The following SHQ1 variants were observed in gnomAD, a reference collection of about 807,000 sequenced individuals.
SHQ1 encodes protein SHQ1 homolog.
Under a neutral mutation model 53.8 loss-of-function variants are expected in SHQ1, and 49 were observed. The ratio of observed to expected loss-of-function variants is 0.91; its 90% CI spans 0.72 to 1.16. The LOEUF (loss-of-function observed/expected upper bound fraction) is 1.16, where lower values mean the gene tolerates loss of function less well. Among genes scored for constraint, SHQ1 ranks in the 50% most tolerant of loss-of-function variants. The probability of loss-of-function intolerance (pLI) is 0.00; values close to 1 mark genes in which losing one functional copy is unlikely to be tolerated. For missense variants in SHQ1, 738 were observed against 683.1 expected (o/e 1.08, Z -0.90); for synonymous variants, 243 against 251.0 (o/e 0.97, Z 0.30).
At chr3:72,728,466 T>C in the SHQ1 span, among the ~76,000 whole-genome samples, 2 of 152,200 alleles carry the variant, frequency 1.3e-5, no homozygotes, top group East Asian at 3.9e-4. Flanking sequence ...TCTGTCTTCT[T>C]GGCTTTGGAC....
intron 10 of SHQ1, among the ~76,000 whole-genome samples, chr3:72,782,168 T>G (rs969136654): frequency 1.3e-5 from 2 of 152,174 alleles, no homozygotes; most frequent in African/African-American, 4.8e-5. Context: ...AAACATGTAA[T>G]AGCTAATATT....
chr3:72,729,880 C>T, the SHQ1 span, among the ~76,000 whole-genome samples: 3 of 152,164 alleles, frequency 2.0e-5, no homozygotes, highest in Non-Finnish European at 4.4e-5. Context: ...TGCAGTGGCG[C>T]GATCTCGTCT....
At chr3:72,791,174 C>A (rs1167550422) in intron 10 of SHQ1, among the ~76,000 whole-genome samples, 1 of 152,070 alleles carries the variant, frequency 6.6e-6, no homozygotes, top group Non-Finnish European at 1.5e-5. Flanking sequence ...TTTACAAAAT[C>A]ATCATTCCTA....
At chr3:72,789,337 A>G (rs1445954451) in intron 10 of SHQ1, among the ~76,000 whole-genome samples, 6 of 152,200 alleles carry the variant, frequency 3.9e-5, no homozygotes, top group Non-Finnish European at 5.9e-5. Context: ...GATGGATATC[A>G]TAAAAATTAT....
intron 10 of SHQ1, among the ~76,000 whole-genome samples, chr3:72,781,246 G>A (rs772707656): frequency 6.6e-6 from 1 of 151,794 alleles, no homozygotes; most frequent in Non-Finnish European, 1.5e-5. Context: ...AGTAGAGATG[G>A]GGTTTCACCA....
chr3:72,841,006 A>T (rs1559700768), intron 4 of SHQ1, 39 bp downstream of exon 4: 1 of 1,560,654 alleles, frequency 6.4e-7, no homozygotes, highest in African/African-American at 1.4e-5. Context: ...CCAAATGGAA[A>T]AACCCTATAG....
intron 9 of SHQ1, among the ~76,000 whole-genome samples, chr3:72,803,123 C>T (rs1035929219): frequency 1.3e-5 from 2 of 152,176 alleles, no homozygotes; most frequent in African/African-American, 2.4e-5. Flanking sequence ...AGAGCAGAGA[C>T]TGAAAACTGG....
intron 10 of SHQ1, among the ~76,000 whole-genome samples, chr3:72,765,557 A>ATATATTTTTT (rs1491527508): frequency 1.7e-5 from 1 of 57,192 alleles, no homozygotes; most frequent in African/African-American, 7.9e-5. Context: ...ATATATATAT[A>ATATATTTTTT]TTTTTTTTTT....
intron 10 of SHQ1, among the ~76,000 whole-genome samples, chr3:72,784,767 G>C (rs979947643): frequency 4.6e-5 from 7 of 152,166 alleles, no homozygotes; most frequent in Admixed American, 4.6e-4. Flanking sequence ...TCTGATTATC[G>C]CTCTGCGTGC....
chr3:72,816,395 C>T (rs1198089531), intron 7 of SHQ1, among the ~76,000 whole-genome samples: 3 of 152,084 alleles, frequency 2.0e-5, no homozygotes, highest in African/African-American at 7.2e-5. Flanking sequence ...TATTTTCCTT[C>T]ATATGTGAAT....
chr3:72,800,208 C>T (rs906063659), intron 9 of SHQ1, among the ~76,000 whole-genome samples: 3 of 152,150 alleles, frequency 2.0e-5, no homozygotes, highest in Non-Finnish European at 2.9e-5. Flanking sequence ...CAAGAAGGCC[C>T]TCACCAGCCC....
At chr3:72,845,969 G>GT (rs1248521582) in intron 1 of SHQ1, among the ~76,000 whole-genome samples, 14 of 152,172 alleles carry the variant, frequency 9.2e-5, no homozygotes, top group Admixed American at 9.2e-4. Flanking sequence ...TACCAGATGT[G>GT]TAACAACCTT....
At chr3:72,846,343 G>GGA in intron 1 of SHQ1, 1 of 1,517,012 alleles carries the variant, frequency 6.6e-7, no homozygotes, top group Non-Finnish European at 8.8e-7. Context: ...TACTCAGGCT[G>GGA]GAGTGCGATA....
Position 72,762,607 on chromosome 3 carries a change from C to G in SHQ1, c.1182-11771G>C, listed in dbSNP as rs183599759. The stretch of plus-strand genomic sequence containing the variant: ...ACCTCGCAAGGTCTCCCGTTCCATA[C>G]GGGCTGCTGGTGAATTCAAATCTGT... On this transcript the variant is annotated intron_variant, in intron 10 of 10. Coordinates refer to ENST00000325599, the MANE Select transcript of SHQ1 (RefSeq NM_018130.3). Among the ~76,000 whole-genome samples, 2 of 152,200 alleles carry G rather than the reference C, an allele frequency of 1.3e-5. 1 individual carries two copies. Among genetic ancestry groups the G allele is most frequent in the Admixed American group, 1.3e-4 (2 of 15,278 alleles).
At chr3:72,746,527 T>C (rs1054813688), downstream of SHQ1, among the ~76,000 whole-genome samples, 5 of 152,142 alleles carry the variant, frequency 3.3e-5, no homozygotes, top group East Asian at 1.9e-4. Context: ...TCAACCTCCA[T>C]GAACAAAGAA....
intron 10 of SHQ1, chr3:72,753,747 C>T (rs1705439203): frequency 1.8e-6 from 1 of 542,786 alleles, no homozygotes; most frequent in South Asian, 8.0e-5. Flanking sequence ...CCTGGCTAAT[C>T]TTTTATCAGT....
At chr3:72,842,813 C>T (rs937188796) in intron 2 of SHQ1, among the ~76,000 whole-genome samples, 1 of 152,128 alleles carries the variant, frequency 6.6e-6, no homozygotes, top group Admixed American at 6.6e-5. Context: ...AGGTGGCTCA[C>T]GCCTGTAATA....
At chr3:72,813,501 C>T (rs1164410622) in intron 8 of SHQ1, among the ~76,000 whole-genome samples, 2 of 146,430 alleles carry the variant, frequency 1.4e-5, no homozygotes, top group East Asian at 2.0e-4. Flanking sequence ...TGCGGTGGCT[C>T]ATGCCTGTGA....
At chr3:72,727,525 G>C in the SHQ1 span, among the ~76,000 whole-genome samples, 1 of 152,216 alleles carries the variant, frequency 6.6e-6, no homozygotes, top group African/African-American at 2.4e-5. Context: ...CCACACATCA[G>C]AGCTAGGAAC....
Sources: allele counts gnomAD v4.1 joint callset (sites outside exome capture counted in the v4.1 genomes callset), GRCh38; gene constraint gnomAD v4.1.1; transcripts MANE v1.5; gene names NCBI Gene and HGNC (gene_info 2026-07-23, HGNC 2026-07-21).